Variants in LRBA observed in about 807,000 individuals in gnomAD.
LRBA encodes the protein lipopolysaccharide-responsive and beige-like anchor protein.
LRBA carries 176 observed loss-of-function variants against 330.0 expected under a neutral mutation model. The ratio of observed to expected loss-of-function variants is 0.53; its 90% CI spans 0.47 to 0.60. The LOEUF (loss-of-function observed/expected upper bound fraction) is 0.60, where lower values mean the gene tolerates loss of function less well. Ranked by LOEUF, LRBA falls within the 20% of genes least tolerant of loss-of-function variation. The probability of loss-of-function intolerance (pLI) is 0.00; values close to 1 mark genes in which losing one functional copy is unlikely to be tolerated. For missense variants in LRBA, 3,259 were observed against 3,444.8 expected, an observed-to-expected ratio of 0.95 and a Z score of 1.35; for synonymous variants, 1,230 against 1,193.0, an observed-to-expected ratio of 1.03 and a Z score of -0.64.
intron 35 of LRBA, among the ~76,000 whole-genome samples, chr4:150,758,158 A>G (rs974830362): frequency 2.6e-5 from 4 of 152,228 alleles, no homozygotes; most frequent in Non-Finnish European, 5.9e-5. Flanking sequence ...GTGTGTTACA[A>G]GAGAGGAACT....
At chr4:150,775,270 TGTGA>T (rs1737117429) in intron 34 of LRBA, among the ~76,000 whole-genome samples, 1 of 152,170 alleles carries the variant, frequency 6.6e-6, no homozygotes, top group Non-Finnish European at 1.5e-5. Context: ...GACCCTGCAG[TGTGA>T]GTAAGTAGGT....
intron 9 of LRBA, among the ~76,000 whole-genome samples, chr4:150,912,208 T>A (rs929347418): frequency 1.3e-5 from 2 of 152,182 alleles, no homozygotes; most frequent in East Asian, 1.9e-4. Flanking sequence ...ACCAGGTATA[T>A]GACCTGTTAG....
At chr4:150,515,406 G>T (rs534140906) in intron 40 of LRBA, among the ~76,000 whole-genome samples, 1 of 152,160 alleles carries the variant, frequency 6.6e-6, no homozygotes, top group Non-Finnish European at 1.5e-5. Context: ...AAAATATTAC[G>T]TAAAATAAAG....
At chr4:150,317,525 T>C (rs2126908203) in intron 50 of LRBA, among the ~76,000 whole-genome samples, 1 of 152,276 alleles carries the variant, frequency 6.6e-6, no homozygotes. Flanking sequence ...TATTTGTCTT[T>C]GCTGATTACT....
At chr4:150,435,190 A>T (rs1750950129) in intron 46 of LRBA, among the ~76,000 whole-genome samples, 1 of 151,910 alleles carries the variant, frequency 6.6e-6, no homozygotes, top group African/African-American at 2.4e-5. Flanking sequence ...ACTAAAAAAA[A>T]ATACAAAAAA....
At chr4:150,492,505 G>A (rs925618201) in intron 40 of LRBA, among the ~76,000 whole-genome samples, 1 of 152,046 alleles carries the variant, frequency 6.6e-6, no homozygotes, top group African/African-American at 2.4e-5. Flanking sequence ...CTCTCACTTT[G>A]ACCAGAGATA....
chr4:150,419,776 T>C (rs1748371203), intron 46 of LRBA, among the ~76,000 whole-genome samples: 1 of 151,358 alleles, frequency 6.6e-6, no homozygotes, highest in Non-Finnish European at 1.5e-5. Context: ...TAGCTGAGAT[T>C]ATAGGCGCCT....
intron 46 of LRBA, among the ~76,000 whole-genome samples, chr4:150,417,041 C>T (rs1747870692): frequency 6.6e-6 from 1 of 152,028 alleles, no homozygotes; most frequent in Admixed American, 6.6e-5. Context: ...TGTCCTCAGT[C>T]ATCAAATAAG....
chr4:150,945,482 C>T (rs1005362609), intron 2 of LRBA, among the ~76,000 whole-genome samples: 1 of 152,118 alleles, frequency 6.6e-6, no homozygotes, highest in African/African-American at 2.4e-5. Context: ...GACCACATTT[C>T]CTTAAAAGAT....
chr4:150,515,869 C>G (rs933319339), intron 40 of LRBA, among the ~76,000 whole-genome samples: 2 of 151,826 alleles, frequency 1.3e-5, no homozygotes, highest in African/African-American at 4.8e-5. Flanking sequence ...CAGAGAGGGA[C>G]CATGGGACAA....
intron 40 of LRBA, chr4:150,578,962 A>C (rs1350785506): frequency 7.1e-6 from 2 of 282,526 alleles, no homozygotes; most frequent in Non-Finnish European, 1.4e-5. Context: ...AATGTCCTGC[A>C]GCCTCCCTAA....
At chr4:150,782,626 C>T (rs1022671987) in intron 34 of LRBA, among the ~76,000 whole-genome samples, 19 of 152,172 alleles carry the variant, frequency 1.2e-4, no homozygotes, top group African/African-American at 3.6e-4. Flanking sequence ...ATGATACATA[C>T]GATAACATTT....
chr4:150,996,562 A>T (rs975476690), intron 2 of LRBA, among the ~76,000 whole-genome samples: 9 of 152,190 alleles, frequency 5.9e-5, no homozygotes, highest in African/African-American at 2.2e-4. Context: ...ACCATGCACC[A>T]TTTGACACAT....
chr4:150,469,842 T>A (rs1484577983), intron 43 of LRBA, among the ~76,000 whole-genome samples: 1 of 152,126 alleles, frequency 6.6e-6, no homozygotes, highest in African/African-American at 2.4e-5. Flanking sequence ...CTTACATCAT[T>A]TCTCCTCTCT....
At chr4:150,603,680 C>G (rs1774344238) in intron 37 of LRBA, among the ~76,000 whole-genome samples, 1 of 151,970 alleles carries the variant, frequency 6.6e-6, no homozygotes, top group Admixed American at 6.6e-5. Flanking sequence ...TTTTTATTTT[C>G]TTAGAGATGG....
chr4:150,637,431 C>T (rs150029033), intron 37 of LRBA, among the ~76,000 whole-genome samples: 1 of 152,122 alleles, frequency 6.6e-6, no homozygotes, highest in Non-Finnish European at 1.5e-5. Flanking sequence ...CAACATAGCC[C>T]GTAAATGCTC....
chr4:150,978,095 G>A (rs1357953682), intron 2 of LRBA, among the ~76,000 whole-genome samples: 1 of 152,248 alleles, frequency 6.6e-6, no homozygotes, highest in Non-Finnish European at 1.5e-5. Flanking sequence ...CCAGTGCTGT[G>A]CTGGCTTCAG....
chr4:150,779,966 T>C (rs1737939374), intron 34 of LRBA, among the ~76,000 whole-genome samples: 1 of 152,182 alleles, frequency 6.6e-6, no homozygotes, highest in South Asian at 2.1e-4. Flanking sequence ...GTACAGCAAG[T>C]AAAAGCTCTA....
chr4:150,951,282 G>A (rs965020228), intron 2 of LRBA, among the ~76,000 whole-genome samples: 5 of 151,792 alleles, frequency 3.3e-5, no homozygotes, highest in African/African-American at 4.8e-5. Context: ...TGGCACATAC[G>A]TATAGTTGTA....
Sources: gnomAD v4.1 joint callset for allele counts (sites outside exome capture counted in the v4.1 genomes callset) on GRCh38, gnomAD v4.1.1 for gene constraint, MANE v1.5 for transcripts, NCBI Gene and HGNC (gene_info 2026-07-23, HGNC 2026-07-21) for gene names.